The following IL1RAPL2 variants were observed in gnomAD, a reference collection of about 807,000 sequenced individuals.
The protein encoded by IL1RAPL2 is X-linked interleukin-1 receptor accessory protein-like 2.
IL1RAPL2 carries 3 observed loss-of-function variants against 44.1 expected under a neutral mutation model. The ratio of observed to expected loss-of-function variants is 0.07; its 90% CI spans 0.03 to 0.18. The LOEUF (loss-of-function observed/expected upper bound fraction) is 0.18, where lower values mean the gene tolerates loss of function less well. Among genes scored for constraint, IL1RAPL2 ranks in the 10% least tolerant of loss-of-function variants. The probability of loss-of-function intolerance (pLI) is 1.00; values close to 1 mark genes in which losing one functional copy is unlikely to be tolerated. For missense variants in IL1RAPL2, 391 were observed against 496.4 expected, an observed-to-expected ratio of 0.79 and a Z score of 2.02; for synonymous variants, 181 against 178.8, an observed-to-expected ratio of 1.01 and a Z score of -0.10.
chrX:105,609,196 A>G (rs1446786354), intron 6 of IL1RAPL2, among the ~76,000 whole-genome samples: 15 of 112,055 alleles, frequency 1.3e-4, no homozygotes, highest in Non-Finnish European at 2.4e-4. Flanking sequence ...AGTTAATTGT[A>G]GGGAGCAAAT....
intron 2 of IL1RAPL2, among the ~76,000 whole-genome samples, chrX:105,006,008 G>A (rs1248654145): frequency 1.8e-5 from 2 of 110,826 alleles, no homozygotes; most frequent in Admixed American, 9.6e-5. Flanking sequence ...AGGGAAATTC[G>A]TTCTGTGATT....
At chrX:104,914,577 TTATTA>T (rs1404996350) in intron 2 of IL1RAPL2, among the ~76,000 whole-genome samples, 7 of 111,615 alleles carry the variant, frequency 6.3e-5, no homozygotes, top group Admixed American at 9.6e-5. Context: ...TTTTTTATTA[TTATTA>T]TATTTTAAGT....
rs138156625 is a variant in IL1RAPL2 at position 104,715,465 on chromosome X, G to A, written c.82+56470G>A. ...TCCTGGATTAGTTGATCTTTTGAACGGTTTTTGTGTCTCTATCTCCTTCAG... is the reference window on the plus strand; with the variant it reads ...TCCTGGATTAGTTGATCTTTTGAACAGTTTTTGTGTCTCTATCTCCTTCAG... On this transcript the variant is annotated intron_variant, in intron 2 of 10. Transcript: ENST00000372582. Among the ~76,000 whole-genome samples the A allele has an allele frequency of 6.2e-3, 640 of 103,378 alleles. 3 individuals are homozygous for A. The highest frequency in any genetic ancestry group is 0.021 in the African/African-American group (611 of 28,629). The allele number at this position is 103,378 out of a possible 115,157, so 89.8% of individuals were successfully genotyped here. A position where few individuals can be genotyped will look rare whatever the true frequency, so the allele number is the denominator to read the frequency against.
chrX:105,388,356 ATTTTTT>A (rs772573698), intron 5 of IL1RAPL2, among the ~76,000 whole-genome samples: 1 of 61,264 alleles, frequency 1.6e-5, no homozygotes, highest in African/African-American at 1.0e-4. Context: ...ACCAAAGCAG[ATTTTTT>A]TTTTTTTTTT....
chrX:105,046,839 G>A (rs1157489887), intron 2 of IL1RAPL2, among the ~76,000 whole-genome samples: 3 of 41,782 alleles, frequency 7.2e-5, no homozygotes, highest in Non-Finnish European at 1.7e-4. Flanking sequence ...TTTTTTTTGG[G>A]GGGGTGCTAG....
chrX:104,978,383 G>A (rs948134362), intron 2 of IL1RAPL2, among the ~76,000 whole-genome samples: 3 of 111,463 alleles, frequency 2.7e-5, no homozygotes, highest in Non-Finnish European at 5.7e-5. Flanking sequence ...TATATTAATA[G>A]TATTAGTCTT....
intron 1 of IL1RAPL2, among the ~76,000 whole-genome samples, chrX:104,636,144 G>T (rs1324609556): frequency 8.9e-6 from 1 of 111,955 alleles, no homozygotes; most frequent in Non-Finnish European, 1.9e-5. Context: ...AGCAGCGGAG[G>T]CTGCAGAACA....
intron 2 of IL1RAPL2, among the ~76,000 whole-genome samples, chrX:105,167,646 C>A: frequency 1.2e-5 from 1 of 84,267 alleles, no homozygotes; most frequent in Non-Finnish European, 2.2e-5. Flanking sequence ...CACATACCCA[C>A]ATCCATGTGG....
chrX:104,844,893 C>T (rs993802562), intron 2 of IL1RAPL2, among the ~76,000 whole-genome samples: 1 of 111,810 alleles, frequency 8.9e-6, no homozygotes, highest in African/African-American at 3.3e-5. Context: ...AGTAGTTCTG[C>T]GACTTTGGAG....
At chrX:104,795,281 G>T (rs1319772362) in intron 2 of IL1RAPL2, among the ~76,000 whole-genome samples, 5 of 111,363 alleles carry the variant, frequency 4.5e-5, no homozygotes, top group African/African-American at 9.8e-5. Context: ...GGTTTAATTT[G>T]ATCTCAGCAC....
chrX:105,131,705 G>C (rs2033028449), intron 2 of IL1RAPL2, among the ~76,000 whole-genome samples: 1 of 110,638 alleles, frequency 9.0e-6, no homozygotes, highest in African/African-American at 3.3e-5. Flanking sequence ...AAACAAGTTA[G>C]CTATTCAAAG....
intron 2 of IL1RAPL2, among the ~76,000 whole-genome samples, chrX:104,766,794 A>G (rs1489522998): frequency 8.9e-6 from 1 of 112,236 alleles, no homozygotes; most frequent in East Asian, 2.8e-4. Context: ...ACACATGAAA[A>G]GATGATGCAA....
intron 6 of IL1RAPL2, among the ~76,000 whole-genome samples, chrX:105,598,907 T>A (rs751458970): frequency 8.9e-6 from 1 of 112,601 alleles, no homozygotes; most frequent in Non-Finnish European, 1.9e-5. Context: ...GATCTACTGC[T>A]CTTTGTTAAG....
intron 4 of IL1RAPL2, among the ~76,000 whole-genome samples, chrX:105,247,591 GTATA>G (rs746336838): frequency 2.0e-5 from 2 of 100,635 alleles, no homozygotes; most frequent in African/African-American, 7.6e-5. Context: ...AAGTGTGTGT[GTATA>G]TATATATATG....
intron 2 of IL1RAPL2, among the ~76,000 whole-genome samples, chrX:105,116,254 A>G (rs1032838200): frequency 7.1e-5 from 8 of 112,512 alleles, no homozygotes; most frequent in African/African-American, 2.6e-4. Context: ...AAGGGCTGCC[A>G]GCACGCTGTC....
At chrX:105,764,948 C>T (rs58145842) in intron 10 of IL1RAPL2, among the ~76,000 whole-genome samples, 24,440 of 111,195 alleles carry the variant, frequency 0.22, 1,939 homozygotes, top group South Asian at 0.38. Flanking sequence ...AATGGAATTA[C>T]AAGCTGTAAT....
chrX:105,171,797 C>T (rs939788633), intron 2 of IL1RAPL2, among the ~76,000 whole-genome samples: 80 of 111,115 alleles, frequency 7.2e-4, no homozygotes, highest in African/African-American at 2.6e-3. Context: ...TTACCTGGCC[C>T]GCTTACCTGC....
intron 5 of IL1RAPL2, among the ~76,000 whole-genome samples, chrX:105,461,069 C>T (rs1344915006): frequency 1.8e-5 from 2 of 111,550 alleles, no homozygotes; most frequent in Non-Finnish European, 3.8e-5. Flanking sequence ...TCCTATGTTA[C>T]GTTGAGGTGA....
chrX:105,226,670 G>A (rs781919446), intron 3 of IL1RAPL2, among the ~76,000 whole-genome samples: 1 of 109,974 alleles, frequency 9.1e-6, no homozygotes, highest in East Asian at 2.9e-4. Flanking sequence ...CCAAAGTGCT[G>A]GGAATACAGG....
Sources: gnomAD v4.1 joint callset for allele counts (sites outside exome capture counted in the v4.1 genomes callset) on GRCh38, gnomAD v4.1.1 for gene constraint, MANE v1.5 for transcripts, NCBI Gene and HGNC (gene_info 2026-07-23, HGNC 2026-07-21) for gene names.